The following COL23A1 variants were observed in gnomAD, a reference collection of about 807,000 sequenced individuals.
COL23A1 encodes collagen alpha-1(XXIII) chain.
COL23A1 carries 97 observed loss-of-function variants against 99.3 expected under a neutral mutation model. The ratio of observed to expected loss-of-function variants is 0.98; its 90% CI spans 0.83 to 1.16. COL23A1 has a LOEUF of 1.16. Ranked by LOEUF, COL23A1 falls within the 50% of genes most tolerant of loss-of-function variation. The probability of loss-of-function intolerance (pLI) is 0.00; values close to 1 mark genes in which losing one functional copy is unlikely to be tolerated. For synonymous variants in COL23A1, 320 were observed against 308.2 expected, an observed-to-expected ratio of 1.04 and a Z score of -0.40; for missense variants, 762 against 757.4, an observed-to-expected ratio of 1.01 and a Z score of -0.07.
rs998089184 is a variant in COL23A1, at chr5:178,254,274, G to A, written c.960+675C>T. ...GTGCCTGCCGTCTGGGCCATGCCAC[G>A]CCACACCACGCCACGCCACGCCACA... On this transcript the variant is annotated intron_variant, in intron 16 of 28. Transcript: ENST00000390654. 3.9e-5 allele frequency among the ~76,000 whole-genome samples: 5 copies of A among 127,528 alleles called. No individual in the cohort carries two copies. In the Admixed American group the frequency reaches 4.0e-4, roughly 10 times the overall value. The allele number at this position is 127,528 out of a possible 152,430, so 83.7% of individuals were successfully genotyped here. A position where few individuals can be genotyped will look rare whatever the true frequency, so the allele number is the denominator to read the frequency against.
chr5:178,403,133 A>AGAG (rs1764557835), intron 2 of COL23A1, among the ~76,000 whole-genome samples: 1 of 146,356 alleles, frequency 6.8e-6, no homozygotes, highest in African/African-American at 2.6e-5. Context: ...TAAATAAATA[A>AGAG]AAAATAAATA....
intron 2 of COL23A1, among the ~76,000 whole-genome samples, chr5:178,504,242 C>A (rs1213175047): frequency 6.6e-6 from 1 of 152,066 alleles, no homozygotes; most frequent in East Asian, 1.9e-4. Flanking sequence ...ACAGGAGGCA[C>A]TGAAGTGTAA....
At chr5:178,239,075 C>T in intron 28 of COL23A1, 66 bp downstream of exon 28, 2 of 1,553,248 alleles carry the variant, frequency 1.3e-6, no homozygotes, top group Non-Finnish European at 8.9e-7. Context: ...GGCTCTGGGG[C>T]CCTCCCATTC....
At chr5:178,495,690 C>T (rs1758160800) in intron 2 of COL23A1, among the ~76,000 whole-genome samples, 1 of 151,998 alleles carries the variant, frequency 6.6e-6, no homozygotes, top group Non-Finnish European at 1.5e-5. Flanking sequence ...GGAGAGAGGG[C>T]ACGGGGACCA....
intron 2 of COL23A1, among the ~76,000 whole-genome samples, chr5:178,398,697 AT>A (rs1411254921): frequency 6.6e-6 from 1 of 152,150 alleles, no homozygotes; most frequent in African/African-American, 2.4e-5. Context: ...CATTTTTACA[AT>A]TTTCGGTTTC....
intron 16 of COL23A1, among the ~76,000 whole-genome samples, chr5:178,253,683 A>G (rs538827812): frequency 4.0e-5 from 6 of 151,618 alleles, no homozygotes; most frequent in African/African-American, 1.5e-4. Flanking sequence ...CGGTTTCACT[A>G]TGTTGGCCAT....
chr5:178,251,079 G>A (rs1424050550), intron 17 of COL23A1, among the ~76,000 whole-genome samples: 1 of 144,766 alleles, frequency 6.9e-6, no homozygotes. Context: ...CTAGAGTGCA[G>A]TGGCACAACC....
intron 2 of COL23A1, among the ~76,000 whole-genome samples, chr5:178,376,575 T>C (rs922188342): frequency 1.3e-5 from 2 of 152,246 alleles, no homozygotes; most frequent in Non-Finnish European, 1.5e-5. Flanking sequence ...TTAGGTGCTT[T>C]AGATACACCA....
intron 1 of COL23A1, chr5:178,562,831 A>C (rs936060734): frequency 6.6e-6 from 1 of 151,074 alleles, no homozygotes; most frequent in Non-Finnish European, 1.5e-5. Flanking sequence ...ACTTTACAGA[A>C]TGCTGATTGG....
At chr5:178,343,617 CT>C (rs1760791139) in intron 2 of COL23A1, among the ~76,000 whole-genome samples, 1 of 151,458 alleles carries the variant, frequency 6.6e-6, no homozygotes, top group African/African-American at 2.4e-5. Context: ...GTTCATGACA[CT>C]GTTCTGCTTG....
intron 1 of COL23A1, among the ~76,000 whole-genome samples, chr5:178,563,724 G>A (rs936309002): frequency 6.6e-6 from 1 of 151,842 alleles, no homozygotes; most frequent in Non-Finnish European, 1.5e-5. Context: ...TAGAGACGGG[G>A]TTTCACTATG....
chr5:178,511,120 T>G (rs1222705306), intron 2 of COL23A1, among the ~76,000 whole-genome samples: 2 of 152,184 alleles, frequency 1.3e-5, no homozygotes, highest in Non-Finnish European at 2.9e-5. Flanking sequence ...CCTGTTCTTG[T>G]TTTTTTCCCC....
chr5:178,538,304 G>GT (rs1181932674), intron 2 of COL23A1, among the ~76,000 whole-genome samples: 2 of 152,136 alleles, frequency 1.3e-5, no homozygotes, highest in Non-Finnish European at 2.9e-5. Context: ...AAAGCTGCTT[G>GT]TTTTTTTATC....
chr5:178,502,415 G>A (rs533554766), intron 2 of COL23A1, among the ~76,000 whole-genome samples: 3 of 152,368 alleles, frequency 2.0e-5, no homozygotes, highest in South Asian at 4.1e-4. Context: ...ACAGGCGTGA[G>A]CCACTGCGCC....
intron 2 of COL23A1, among the ~76,000 whole-genome samples, chr5:178,454,827 C>T (rs895028765): frequency 6.6e-6 from 1 of 152,236 alleles, no homozygotes; most frequent in Non-Finnish European, 1.5e-5. Context: ...TTAAAAAATA[C>T]CACAAATGGT....
intron 2 of COL23A1, among the ~76,000 whole-genome samples, chr5:178,469,870 G>C (rs1401753482): frequency 2.0e-5 from 3 of 152,164 alleles, no homozygotes; most frequent in Non-Finnish European, 4.4e-5. Context: ...CCCCTGTGCA[G>C]AGGCCAGAAG....
intron 2 of COL23A1, among the ~76,000 whole-genome samples, chr5:178,420,400 C>T (rs1406823961): frequency 9.2e-6 from 1 of 108,810 alleles, no homozygotes; most frequent in Non-Finnish European, 1.8e-5. Context: ...TCCCCCTCCC[C>T]TCCCTGAGAT....
chr5:178,319,782 G>A (rs944165676), intron 2 of COL23A1, among the ~76,000 whole-genome samples: 1 of 152,214 alleles, frequency 6.6e-6, no homozygotes, highest in Non-Finnish European at 1.5e-5. Context: ...GGTTTGCTGG[G>A]GACTGAGGGG....
intron 2 of COL23A1, among the ~76,000 whole-genome samples, chr5:178,526,465 G>A (rs1760316101): frequency 6.6e-6 from 1 of 152,166 alleles, no homozygotes; most frequent in Admixed American, 6.5e-5. Context: ...CTGAGAATGA[G>A]GCCAACACAC....
Sources: allele counts gnomAD v4.1 joint callset (sites outside exome capture counted in the v4.1 genomes callset), GRCh38; gene constraint gnomAD v4.1.1; transcripts MANE v1.5; gene names NCBI Gene and HGNC (gene_info 2026-07-23, HGNC 2026-07-21).